EFCAB6: variants seen among roughly 807,000 people sequenced by gnomAD.
EFCAB6 encodes the protein EF-hand calcium binding domain 6.
Under a neutral mutation model 169.8 loss-of-function variants are expected in EFCAB6, and 156 were observed. The ratio of observed to expected loss-of-function variants is 0.92; its 90% CI spans 0.81 to 1.05. The LOEUF (loss-of-function observed/expected upper bound fraction) is 1.05. Among genes scored for constraint, EFCAB6 ranks in the 50% least tolerant of loss-of-function variants. The pLI is 0.00. For missense variants in EFCAB6, 1,800 were observed against 1,829.1 expected (o/e 0.98, Z 0.29); for synonymous variants, 698 against 676.4 (o/e 1.03, Z -0.50).
At chr22:43,596,653 A>G (rs1198601115) in intron 23 of EFCAB6, among the ~76,000 whole-genome samples, 1 of 152,178 alleles carries the variant, frequency 6.6e-6, no homozygotes, top group Non-Finnish European at 1.5e-5. Context: ...AAGAATTAAT[A>G]TTGTTAAAAT....
At chr22:43,702,383 C>G (rs2058798726) in intron 10 of EFCAB6, among the ~76,000 whole-genome samples, 1 of 152,076 alleles carries the variant, frequency 6.6e-6, no homozygotes, top group African/African-American at 2.4e-5. Flanking sequence ...GTGGAAATGC[C>G]CCAAATTGGA....
At chr22:43,782,626 G>C (rs1270457342) in intron 2 of EFCAB6, among the ~76,000 whole-genome samples, 1 of 152,176 alleles carries the variant, frequency 6.6e-6, no homozygotes, top group African/African-American at 2.4e-5. Context: ...TAGGCAGTAA[G>C]GGGAAGAAAG....
intron 8 of EFCAB6, among the ~76,000 whole-genome samples, chr22:43,718,935 G>T (rs1025639660): frequency 6.6e-6 from 1 of 152,208 alleles, no homozygotes; most frequent in African/African-American, 2.4e-5. Context: ...ACAGAAGCGG[G>T]ACCTGAAGTG....
At chr22:43,651,813 G>A (rs2056482963) in intron 17 of EFCAB6, among the ~76,000 whole-genome samples, 1 of 152,236 alleles carries the variant, frequency 6.6e-6, no homozygotes, top group Non-Finnish European at 1.5e-5. Context: ...AGAGCTTTAA[G>A]ATTTGACTGC....
chr22:43,664,269 C>G (rs2057141359), intron 17 of EFCAB6, among the ~76,000 whole-genome samples: 1 of 152,214 alleles, frequency 6.6e-6, no homozygotes, highest in Admixed American at 6.5e-5. Context: ...GGGTGGCATT[C>G]ATTTAGGGCT....
intron 10 of EFCAB6, among the ~76,000 whole-genome samples, chr22:43,691,017 T>C (rs1459613448): frequency 1.3e-5 from 2 of 152,112 alleles, no homozygotes; most frequent in East Asian, 3.9e-4. Context: ...ATTTTTGCTA[T>C]GATTATGATT....
chr22:43,619,410 A>G (rs1301135497), intron 20 of EFCAB6, among the ~76,000 whole-genome samples: 3 of 152,202 alleles, frequency 2.0e-5, no homozygotes, highest in Non-Finnish European at 4.4e-5. Flanking sequence ...TAAAATATCT[A>G]AGATACAGTC....
At position 43,744,087 on chromosome 22, in the gene EFCAB6, GATGAATGA is replaced by G. The variant is rs3052604; in HGVS notation, c.508-8102_508-8095del. 4.5e-3 allele frequency among the ~76,000 whole-genome samples: 666 copies of G among 148,572 alleles called. 9 individuals are homozygous for G. The highest frequency in any genetic ancestry group is 0.016 in the African/African-American group (630 of 38,502). On this transcript the variant is annotated intron_variant, in intron 6 of 31. Transcript: ENST00000262726. This position sits in a 1 kb window ranked among gnomAD's most constrained non-coding sequence, Gnocchi z 4.3. The stretch of plus-strand genomic sequence containing the variant: ...TGGATGAACGGATGAATGGATGAAT[GATGAATGA>G]ATGAATGAATGAATGAATGGATGGG...
At chr22:43,676,784 T>C (rs2057781340) in intron 13 of EFCAB6, among the ~76,000 whole-genome samples, 1 of 152,202 alleles carries the variant, frequency 6.6e-6, no homozygotes, top group African/African-American at 2.4e-5. Flanking sequence ...CATAAACTCT[T>C]CCCAAGACCA....
At chr22:43,699,043 T>C (rs1212372507) in intron 10 of EFCAB6, among the ~76,000 whole-genome samples, 1 of 151,928 alleles carries the variant, frequency 6.6e-6, no homozygotes, top group Admixed American at 6.6e-5. Context: ...AACTCCTCTT[T>C]TGAGAACACA....
chr22:43,774,673 C>T (rs1235511186), intron 3 of EFCAB6, among the ~76,000 whole-genome samples: 5 of 151,304 alleles, frequency 3.3e-5, no homozygotes, highest in South Asian at 2.1e-4. Flanking sequence ...GGCTGGTTTC[C>T]GGTGACAGGA....
chr22:43,649,757 A>G (rs972139323), intron 17 of EFCAB6, among the ~76,000 whole-genome samples: 4 of 152,154 alleles, frequency 2.6e-5, no homozygotes, highest in African/African-American at 9.7e-5. Context: ...AGCATAAGAG[A>G]GCTGCGGAGG....
intron 17 of EFCAB6, among the ~76,000 whole-genome samples, chr22:43,640,223 G>A (rs1425307001): frequency 6.6e-6 from 1 of 152,026 alleles, no homozygotes; most frequent in Non-Finnish European, 1.5e-5. Flanking sequence ...TATGGTGTGG[G>A]GCCTCTGGAT....
chr22:43,699,578 T>C (rs1033060091), intron 10 of EFCAB6, among the ~76,000 whole-genome samples: 12 of 152,182 alleles, frequency 7.9e-5, no homozygotes, highest in African/African-American at 2.9e-4. Context: ...CAATGTAATG[T>C]TCAAGTTAAG....
intron 13 of EFCAB6, among the ~76,000 whole-genome samples, chr22:43,674,672 T>C (rs1377481732): frequency 3.3e-5 from 5 of 152,226 alleles, no homozygotes; most frequent in Admixed American, 3.3e-4. Flanking sequence ...ATTGCTTACG[T>C]GTCTACGTTT....
At chr22:43,768,933 G>A (rs1189536702) in intron 4 of EFCAB6, among the ~76,000 whole-genome samples, 1 of 152,172 alleles carries the variant, frequency 6.6e-6, no homozygotes, top group Non-Finnish European at 1.5e-5. Context: ...ATGTTTACAA[G>A]GATGAATGTT....
chr22:43,697,265 T>C (rs1250434690), intron 10 of EFCAB6, among the ~76,000 whole-genome samples: 2 of 152,164 alleles, frequency 1.3e-5, no homozygotes, highest in Non-Finnish European at 2.9e-5. Context: ...GACTTGAGAG[T>C]TAACAAAACA....
intron 12 of EFCAB6, among the ~76,000 whole-genome samples, chr22:43,683,041 A>T (rs1291447555): frequency 1.3e-5 from 2 of 152,142 alleles, no homozygotes; most frequent in African/African-American, 4.8e-5. Context: ...GGCAGGTTCT[A>T]GGAGGCTGAT....
At chr22:43,615,214 G>A (rs1226455143) in intron 21 of EFCAB6, among the ~76,000 whole-genome samples, 1 of 152,200 alleles carries the variant, frequency 6.6e-6, no homozygotes, top group East Asian at 1.9e-4. Flanking sequence ...ATTATAAAGT[G>A]GTGATCTCCA....
Sources: allele counts gnomAD v4.1 joint callset (sites outside exome capture counted in the v4.1 genomes callset), GRCh38; gene constraint gnomAD v4.1.1; non-coding constraint Gnocchi (gnomAD v3.1); transcripts MANE v1.5; gene names NCBI Gene and HGNC (gene_info 2026-07-23, HGNC 2026-07-21).